ABR: variants seen among roughly 807,000 people sequenced by gnomAD.
ABR encodes the protein active breakpoint cluster region-related protein.
In ABR, 35 loss-of-function variants were observed where a neutral mutation model predicts 107.2. The observed-to-expected ratio is 0.33, with a 90% CI of 0.25 to 0.43. ABR has a LOEUF of 0.43. Ranked by LOEUF, ABR falls within the 20% of genes least tolerant of loss-of-function variation. The probability of loss-of-function intolerance (pLI) is 1.00; values close to 1 mark genes in which losing one functional copy is unlikely to be tolerated. For missense variants in ABR, 815 were observed against 1,115.2 expected, an observed-to-expected ratio of 0.73 and a Z score of 3.83; for synonymous variants, 498 against 462.0, an observed-to-expected ratio of 1.08 and a Z score of -1.00.
intron 8 of ABR, among the ~76,000 whole-genome samples, chr17:1,072,364 G>C (rs933369439): frequency 6.6e-6 from 1 of 151,848 alleles, no homozygotes; most frequent in Admixed American, 6.6e-5. Context: ...GGTGCCGCCC[G>C]TGTGTGAGAG....
chr17:1,085,659 C>T (rs529495368), intron 4 of ABR, among the ~76,000 whole-genome samples: 1 of 152,234 alleles, frequency 6.6e-6, no homozygotes, highest in African/African-American at 2.4e-5. Flanking sequence ...GAGATACGGC[C>T]GGTTCAAACT....
intron 2 of ABR, among the ~76,000 whole-genome samples, chr17:1,108,700 G>C (rs1348050816): frequency 6.6e-6 from 1 of 152,168 alleles, no homozygotes; most frequent in African/African-American, 2.4e-5. Flanking sequence ...TGGCACAGCC[G>C]CCGGAGCCCT....
In ABR at chr17:1,179,225, G is replaced by A. The variant is rs1309350196; in HGVS notation, c.61+442C>T. Among the ~76,000 whole-genome samples, 1 of 152,010 alleles carries A rather than the reference G, an allele frequency of 6.6e-6. No individual in the cohort carries two copies. The highest frequency in any genetic ancestry group is 2.4e-5 in the African/African-American group (1 of 41,384). ...GGTGCCCCTGGGGTGGCAAACTCGGGTGCCAACGACTGCTCCCAAAACGGC... is the reference window on the plus strand; with the variant it reads ...GGTGCCCCTGGGGTGGCAAACTCGGATGCCAACGACTGCTCCCAAAACGGC... On this transcript the variant is annotated intron_variant, in intron 1 of 22. Transcript: ENST00000302538. The surrounding 1 kb of genome is among the most constrained non-coding windows in gnomAD (Gnocchi z 4.9).
At chr17:1,170,711 C>T (rs1049143214) in intron 1 of ABR, among the ~76,000 whole-genome samples, 6 of 152,162 alleles carry the variant, frequency 3.9e-5, no homozygotes, top group East Asian at 1.9e-4. Flanking sequence ...GCTGGGATTA[C>T]AGGCGTGAGC....
intron 2 of ABR, among the ~76,000 whole-genome samples, chr17:1,120,963 T>C (rs966925826): frequency 1.3e-5 from 2 of 152,216 alleles, no homozygotes; most frequent in Non-Finnish European, 2.9e-5. Flanking sequence ...TGTAAGACCA[T>C]GGTCCTGCCT....
At chr17:1,087,553 C>CTGAG (rs1489967685) in intron 4 of ABR, among the ~76,000 whole-genome samples, 2 of 131,632 alleles carry the variant, frequency 1.5e-5, no homozygotes, top group African/African-American at 5.9e-5. Context: ...AGGGCGGGGC[C>CTGAG]TGAGTTTTAA....
intron 3 of ABR, among the ~76,000 whole-genome samples, chr17:1,093,506 C>T (rs2037177141): frequency 6.6e-6 from 1 of 152,112 alleles, no homozygotes; most frequent in Admixed American, 6.6e-5. Flanking sequence ...ATCTACGTTG[C>T]TCTGCAGACC....
In ABR at chr17:1,207,111, T is replaced by C. The variant is rs1031131406; in HGVS notation, c.838+21682A>G. On this transcript the variant is annotated intron_variant, in intron 1 of 22. Coordinates refer to the ABR transcript ENST00000574139. ...AACAAACAAAAAAAAAAGCCAGGCA[T>C]TGTGGTTCGTGCCTATAGTCCCAGC... 1.0e-4 allele frequency among the ~76,000 whole-genome samples: 15 copies of C among 148,970 alleles called. No individual in the cohort carries two copies. In the East Asian group the frequency reaches 1.8e-3, roughly 18 times the overall value.
intron 3 of ABR, among the ~76,000 whole-genome samples, chr17:1,093,096 C>T (rs1462005431): frequency 2.7e-5 from 4 of 150,436 alleles, no homozygotes; most frequent in African/African-American, 7.3e-5. Flanking sequence ...GCTGGGATTA[C>T]GGGCGTGAGC....
intron 2 of ABR, among the ~76,000 whole-genome samples, chr17:1,107,912 C>T (rs967142868): frequency 1.3e-5 from 2 of 152,248 alleles, no homozygotes; most frequent in African/African-American, 4.8e-5. Flanking sequence ...CCATTGGCTC[C>T]TCCTCAGAGC....
At position 1,050,093 on chromosome 17, in the gene ABR, T is replaced by C; in HGVS notation, c.1748A>G (p.Asn583Ser). Residue 583 changes from asparagine to serine, a missense_variant, in exon 16 of 23, where the codon AAC (asparagine) becomes AGC (serine). Around this residue, in one of 5 missense-constraint regions of ABR, gnomAD observed 92 missense variants for 82.3 expected, o/e 1.12. Coordinates refer to ENST00000302538, the MANE Select transcript of ABR (RefSeq NM_021962.5). The surrounding 1 kb of genome is among the most constrained non-coding windows in gnomAD (Gnocchi z 4.6). Reference protein sequence around the residue: ...CYDKTKVNKDNNEIVDKIMGK... With the variant: ...CYDKTKVNKDSNEIVDKIMGK... ...CATGATCTTGTCCACGATCTCATTG[T>C]TGTCCTTGTTGACCTTGGTCTTGTC... 6.2e-7 allele frequency: 1 copy of C among 1,614,198 alleles called. No individual in the cohort carries two copies. Among genetic ancestry groups the C allele is most frequent in the South Asian group, 1.1e-5 (1 of 91,088 alleles).
chr17:1,193,848 G>A (rs929884111), intron 1 of ABR, among the ~76,000 whole-genome samples: 1 of 151,990 alleles, frequency 6.6e-6, no homozygotes, highest in Non-Finnish European at 1.5e-5. Flanking sequence ...CCGCCACCAC[G>A]CCCAGCTAAT....
intron 1 of ABR, among the ~76,000 whole-genome samples, chr17:1,165,200 A>G (rs2041458149): frequency 6.6e-6 from 1 of 152,258 alleles, no homozygotes; most frequent in Non-Finnish European, 1.5e-5. Context: ...GCCTGGGGCC[A>G]CAGAACCGGG....
chr17:1,164,977 C>T (rs188213678), intron 1 of ABR, among the ~76,000 whole-genome samples: 96 of 152,326 alleles, frequency 6.3e-4, no homozygotes, highest in Middle Eastern at 3.4e-3. Context: ...CATTGTTCAT[C>T]TAAAATTCTA....
chr17:1,141,063 A>G (rs920035084), intron 1 of ABR, among the ~76,000 whole-genome samples: 1 of 152,216 alleles, frequency 6.6e-6, no homozygotes, highest in Non-Finnish European at 1.5e-5. Flanking sequence ...AACTGGGCAC[A>G]GTATCAGGGC....
At chr17:1,223,159 G>T (rs941051841) in intron 1 of ABR, among the ~76,000 whole-genome samples, 1 of 151,484 alleles carries the variant, frequency 6.6e-6, no homozygotes, top group African/African-American at 2.4e-5. Flanking sequence ...CCGAGATCTT[G>T]CCATTACACA....
At chr17:1,193,360 C>T (rs1311810532) in intron 1 of ABR, among the ~76,000 whole-genome samples, 9 of 151,962 alleles carry the variant, frequency 5.9e-5, no homozygotes, top group African/African-American at 4.8e-5. Context: ...TCCCGAGCAT[C>T]GCCAGTATTT....
At chr17:1,222,312 A>G (rs1025703356) in intron 1 of ABR, among the ~76,000 whole-genome samples, 19 of 152,030 alleles carry the variant, frequency 1.2e-4, no homozygotes, top group Admixed American at 7.2e-4. Flanking sequence ...TGATCCACCC[A>G]CCTCGGCCTC....
chr17:1,160,777 G>A (rs1018153856), intron 1 of ABR, among the ~76,000 whole-genome samples: 2 of 152,202 alleles, frequency 1.3e-5, no homozygotes, highest in East Asian at 1.9e-4. Context: ...TTGAAGAAGT[G>A]GGGGAGGACA....
Sources: gnomAD v4.1 joint callset for allele counts (sites outside exome capture counted in the v4.1 genomes callset) on GRCh38, gnomAD v4.1.1 for gene constraint, gnomAD v4.1.1 regional missense constraint, Gnocchi (gnomAD v3.1) non-coding constraint, MANE v1.5 for transcripts, NCBI Gene and HGNC (gene_info 2026-07-23, HGNC 2026-07-21) for gene names.